Variants in C6orf132 observed in about 807,000 individuals in gnomAD.
The protein encoded by C6orf132 is uncharacterized protein C6orf132.
C6orf132 carries 43 observed loss-of-function variants against 65.3 expected under a neutral mutation model. The observed-to-expected ratio is 0.66, with a 90% CI of 0.52 to 0.85. C6orf132 has a LOEUF of 0.85. Among genes scored for constraint, C6orf132 ranks in the 40% least tolerant of loss-of-function variants. The probability of loss-of-function intolerance (pLI) is 0.00; values close to 1 mark genes in which losing one functional copy is unlikely to be tolerated. For missense variants in C6orf132, 1,488 were observed against 1,548.8 expected (o/e 0.96, Z 0.66); for synonymous variants, 631 against 654.1 (o/e 0.96, Z 0.54).
In C6orf132 at chr6:42,142,491, G is replaced by C. The variant is rs1767056499; in HGVS notation, c.-47C>G. On this transcript the variant is annotated 5_prime_UTR_variant, in exon 1 of 5. Coordinates refer to ENST00000341865, the MANE Select transcript of C6orf132 (RefSeq NM_001164446.3). ...GCCAGGGAAGGACCTTCCCTCCCTCGCCCTGCCCTGCCCCGGACTGAACTC... is the reference window on the plus strand; with the variant it reads ...GCCAGGGAAGGACCTTCCCTCCCTCCCCCTGCCCTGCCCCGGACTGAACTC... The C allele has an allele frequency of 9.9e-6, 15 of 1,511,004 alleles. No homozygotes were observed. Among genetic ancestry groups the C allele is most frequent in the African/African-American group, 1.4e-5 (1 of 71,672 alleles). 93.6% of individuals were successfully genotyped at this position (1,511,004 alleles called of 1,614,324 possible).
In C6orf132 at chr6:42,102,165, C is replaced by G. The variant is rs1386223110; in HGVS notation, c.*1596G>C. On this transcript the variant is annotated 3_prime_UTR_variant, in exon 5 of 5. Transcript: ENST00000341865. ...AATTCACTGGAAAACAAGCATAAAC[C>G]TGGACTGCCCAGGCAAAGGACACGT... is the stretch of plus-strand genomic sequence containing the variant. 1 of 151,478 alleles carries G rather than the reference C, an allele frequency of 6.6e-6. No individual in the cohort carries two copies. The highest frequency in any genetic ancestry group is 2.4e-5 in the African/African-American group (1 of 41,116). The allele number at this position is 151,478 out of a possible 1,614,324, so 9.4% of individuals were successfully genotyped here. A position where few individuals can be genotyped will look rare whatever the true frequency, so the allele number is the denominator to read the frequency against.
At chr6:42,128,319 T>A (rs754658495) in intron 2 of C6orf132, among the ~76,000 whole-genome samples, 2 of 152,122 alleles carry the variant, frequency 1.3e-5, no homozygotes, top group Non-Finnish European at 2.9e-5. Context: ...GCTGGCCCAG[T>A]CATCTCTGTA....
At chr6:42,134,647 G>T (rs1458692989) in intron 1 of C6orf132, among the ~76,000 whole-genome samples, 1 of 151,970 alleles carries the variant, frequency 6.6e-6, no homozygotes, top group Non-Finnish European at 1.5e-5. Context: ...GGTGGTGGGT[G>T]CCTATAACCC....
chr6:42,106,349 C>A lies in C6orf132; in HGVS notation c.1563G>T (p.Lys521Asn). ...EKETLLSLPA[K>N]DTPPGVPEKS... is the part of the protein sequence containing the mutation. ...TTTCAGGAACACCTGGGGGAGTGTCCTTTGCTGGCAGGCTCAGGAGAGTCT... is the reference window on the plus strand; with the variant it reads ...TTTCAGGAACACCTGGGGGAGTGTCATTTGCTGGCAGGCTCAGGAGAGTCT... The change falls in exon 4 of 5, where the codon AAG becomes AAT. Residue 521 changes from lysine to asparagine, a missense_variant. Physicochemically the swap from Lys to Asn is moderately conservative, Grantham distance 94 (BLOSUM62 0). Coordinates refer to ENST00000341865, the MANE Select transcript of C6orf132 (RefSeq NM_001164446.3). 1 of 1,536,528 alleles carries A rather than the reference C, an allele frequency of 6.5e-7. No homozygotes were observed.
Position 42,101,380 on chromosome 6 carries a change from T to C in C6orf132, c.*2381A>G, listed in dbSNP as rs1269710450. The C allele has an allele frequency of 6.6e-6, 1 of 152,246 alleles. No individual in the cohort carries two copies. The highest frequency in any genetic ancestry group is 2.4e-5 in the African/African-American group (1 of 41,460). The allele number at this position is 152,246 out of a possible 1,614,324, so 9.4% of individuals were successfully genotyped here. On this transcript the variant is annotated 3_prime_UTR_variant, in exon 5 of 5. Coordinates refer to ENST00000341865, the MANE Select transcript of C6orf132 (RefSeq NM_001164446.3). The stretch of plus-strand genomic sequence containing the variant: ...TCTTACTACTCCTTGTAATTTATGA[T>C]GTTTTTGTGTGCTTTTTCAATCCTC...
Position 42,104,106 on chromosome 6 carries a change from A to T in C6orf132, c.3450-228T>A, listed in dbSNP as rs1387915752. 6.6e-6 allele frequency among the ~76,000 whole-genome samples: 1 copy of T among 152,192 alleles called. No individual in the cohort carries two copies. The highest frequency in any genetic ancestry group is 1.9e-4 in the East Asian group (1 of 5,188). ...GAACATGCCTAACAGCCTTTCACTC[A>T]GAACTCTTTCACTCCTGGCCTGTGT... On this transcript the variant is annotated intron_variant, in intron 4 of 4. Transcript: ENST00000341865. The surrounding 1 kb of genome is among the most constrained non-coding windows in gnomAD (Gnocchi z 4.1).
intron 1 of C6orf132, among the ~76,000 whole-genome samples, chr6:42,133,219 T>G (rs6458271): frequency 0.24 from 35,884 of 152,060 alleles, 4,613 homozygotes; most frequent in African/African-American, 0.33. Context: ...ACATCCTGGT[T>G]TCCCTTGAGG....
intron 2 of C6orf132, among the ~76,000 whole-genome samples, chr6:42,116,288 T>G (rs567078397): frequency 6.6e-6 from 1 of 152,248 alleles, no homozygotes; most frequent in Non-Finnish European, 1.5e-5. Context: ...ATGAGACAGG[T>G]GCTGTCATTG....
intron 2 of C6orf132, among the ~76,000 whole-genome samples, chr6:42,114,705 C>T (rs1021399197): frequency 6.6e-6 from 1 of 152,122 alleles, no homozygotes; most frequent in Non-Finnish European, 1.5e-5. Flanking sequence ...GAAAAGCCTC[C>T]TTAAGAAGAG....
rs1485745834 is a variant in C6orf132 at position 42,138,881 on chromosome 6, A to ACACACACACACACACT, written c.145+3418_145+3419insAGTGTGTGTGTGTGTG. ...CACACACACACACACACACACACACACTCGTGTGGCCTTGCTTGGGCTGGG... is the reference window on the plus strand; with the variant it reads ...CACACACACACACACACACACACACACACACACACACACACTCTCGTGTGGCCTTGCTTGGGCTGGG... On this transcript the variant is annotated intron_variant, in intron 1 of 4. Transcript: ENST00000341865. Among the ~76,000 whole-genome samples the ACACACACACACACACT allele has an allele frequency of 4.8e-3, 723 of 150,730 alleles. 4 individuals carry two copies. Among genetic ancestry groups the ACACACACACACACACT allele is most frequent in the Non-Finnish European group, 8.5e-3 (574 of 67,688 alleles).
rs543113495 is a variant in C6orf132, at chr6:42,103,747, A to T, written c.*14T>A. ...GACACAGTTTGTTGGAGTAGAGCTA[A>T]GAGAACCCCTGGCTCAGGAGGTGGC... On this transcript the variant is annotated 3_prime_UTR_variant, in exon 5 of 5. Coordinates refer to ENST00000341865, the MANE Select transcript of C6orf132 (RefSeq NM_001164446.3). 6 of 1,369,970 alleles carry T rather than the reference A, an allele frequency of 4.4e-6. No homozygotes were observed. In the South Asian group the frequency reaches 9.9e-5, roughly 23 times the overall value. The allele number at this position is 1,369,970 out of a possible 1,614,324, so 84.9% of individuals were successfully genotyped here.
At position 42,106,059 on chromosome 6, in the gene C6orf132, A is replaced by C. The variant is rs1012256918; in HGVS notation, c.1853T>G (p.Leu618Arg). ...DKLSKPVAKN[L>R]PPQSTTLLPT... ...CAGCAGGGTGGTGGATTGAGGTGGCAGATTCTTGGCCACAGGCTTGGAGAG... is the reference window on the plus strand; with the variant it reads ...CAGCAGGGTGGTGGATTGAGGTGGCCGATTCTTGGCCACAGGCTTGGAGAG... Residue 618 changes from leucine to arginine, a missense_variant, in exon 4 of 5, where the codon CTG becomes CGG. Transcript: ENST00000341865. 6 of 1,537,208 alleles carry C rather than the reference A, an allele frequency of 3.9e-6. No individual in the cohort carries two copies. Among genetic ancestry groups the C allele is most frequent in the Non-Finnish European group, 4.4e-6 (5 of 1,146,892 alleles).
At chr6:42,138,259 G>A (rs1335087546) in intron 1 of C6orf132, among the ~76,000 whole-genome samples, 1 of 152,158 alleles carries the variant, frequency 6.6e-6, no homozygotes, top group African/African-American at 2.4e-5. Context: ...CAATCCTCCT[G>A]CCTTGGCTTC....
intron 1 of C6orf132, among the ~76,000 whole-genome samples, chr6:42,137,044 T>G (rs1288169799): frequency 2.0e-5 from 3 of 152,182 alleles, no homozygotes; most frequent in Admixed American, 1.3e-4. Flanking sequence ...AATCTAATCT[T>G]AACAAGATTC....
intron 3 of C6orf132, among the ~76,000 whole-genome samples, chr6:42,108,102 C>T (rs1582270182): frequency 6.6e-6 from 1 of 152,324 alleles, no homozygotes; most frequent in African/African-American, 2.4e-5. Context: ...TGTCCCTTTA[C>T]TCAACTCTCT....
chr6:42,130,779 T>C (rs1475630759), intron 1 of C6orf132, among the ~76,000 whole-genome samples: 1 of 150,878 alleles, frequency 6.6e-6, no homozygotes, highest in Non-Finnish European at 1.5e-5. Context: ...TTTTTTATCT[T>C]TATTTTTTTT....
chr6:42,136,351 G>C (rs960244510), intron 1 of C6orf132, among the ~76,000 whole-genome samples: 33 of 152,148 alleles, frequency 2.2e-4, no homozygotes, highest in African/African-American at 7.5e-4. Flanking sequence ...AAGCTAGCCG[G>C]AGTGAGAGGA....
intron 1 of C6orf132, among the ~76,000 whole-genome samples, chr6:42,131,228 C>A (rs1250712404): frequency 6.6e-6 from 1 of 152,080 alleles, no homozygotes; most frequent in Admixed American, 6.5e-5. Context: ...ACCATGTTGG[C>A]CAGGCTGATC....
intron 2 of C6orf132, among the ~76,000 whole-genome samples, chr6:42,128,213 C>CCGCACTGGCCACAATGACA (rs1766796406): frequency 6.6e-6 from 1 of 151,984 alleles, no homozygotes; most frequent in Admixed American, 6.6e-5. Context: ...GCGTGAGCCA[C>CCGCACTGGCCACAATGACA]CGCACTGGCC....
Sources: gnomAD v4.1 joint callset for allele counts (sites outside exome capture counted in the v4.1 genomes callset) on GRCh38, gnomAD v4.1.1 for gene constraint, Gnocchi (gnomAD v3.1) non-coding constraint, MANE v1.5 for transcripts, NCBI Gene and HGNC (gene_info 2026-07-23, HGNC 2026-07-21) for gene names.